The following ADAM9 variants were observed in gnomAD, a reference collection of about 807,000 sequenced individuals.
ADAM9 encodes ADAM metallopeptidase domain 9, also known as disintegrin and metalloproteinase domain-containing protein 9.
Under a neutral mutation model 108.1 loss-of-function variants are expected in ADAM9, and 54 were observed. The observed-to-expected ratio is 0.50, with a 90% CI of 0.40 to 0.63. The LOEUF (loss-of-function observed/expected upper bound fraction) is 0.63. Among genes scored for constraint, ADAM9 ranks in the 20% least tolerant of loss-of-function variants. The pLI, the probability that ADAM9 is intolerant of heterozygous loss-of-function variation, is 0.00. For synonymous variants in ADAM9, 316 were observed against 336.0 expected, an observed-to-expected ratio of 0.94 and a Z score of 0.65; for missense variants, 830 against 997.7, an observed-to-expected ratio of 0.83 and a Z score of 2.26.
chr8:39,101,794 TTTC>T, intron 20 of ADAM9, 66 bp from the exon 21 acceptor site: 3 of 1,214,866 alleles, frequency 2.5e-6, no homozygotes, highest in Non-Finnish European at 3.6e-6. Flanking sequence ...AATATGTAGA[TTTC>T]TTCTATTTAG....
intron 11 of ADAM9, among the ~76,000 whole-genome samples, chr8:39,032,352 G>A (rs143600640): frequency 0.021 from 3,259 of 152,366 alleles, 130 homozygotes; most frequent in African/African-American, 0.074. Context: ...TGGCTGCTTT[G>A]TTTACCTACT....
intron 14 of ADAM9, among the ~76,000 whole-genome samples, chr8:39,060,553 TTAGAAAGGATATCTTGACATGTCCC>T (rs1372760016): frequency 6.6e-6 from 1 of 152,204 alleles, no homozygotes; most frequent in East Asian, 1.9e-4. Context: ...CTTCTTCCCC[TTAGAAAGGATATCTTGACATGTCCC>T]ACACCACTGG....
chr8:39,010,698 A>G (rs1836327078), intron 2 of ADAM9, among the ~76,000 whole-genome samples: 1 of 152,202 alleles, frequency 6.6e-6, no homozygotes, highest in Admixed American at 6.5e-5. Context: ...GGTAGAGAAG[A>G]TGATCCCATG....
Position 39,090,634 on chromosome 8 carries a change from TTATG to T in ADAM9, c.2210+448_2210+451del, listed in dbSNP as rs1475293556. ...CTCTTTTAATGGGGAGGAGAAAGGC[TTATG>T]TTGGTCAGCCTTTAGGCTGCTGAAA... On this transcript the variant is annotated intron_variant, in intron 19 of 21. Transcript: ENST00000487273. 5.9e-4 allele frequency among the ~76,000 whole-genome samples: 90 copies of T among 152,306 alleles called. 2 individuals carry two copies. In the South Asian group the frequency reaches 0.018, roughly 30 times the overall value.
At chr8:39,070,941 G>A (rs554359042) in intron 14 of ADAM9, among the ~76,000 whole-genome samples, 1 of 152,248 alleles carries the variant, frequency 6.6e-6, no homozygotes, top group South Asian at 2.1e-4. Context: ...TCTAACCAGT[G>A]GTGCAGTTGG....
intron 5 of ADAM9, 72 bp downstream of exon 5, chr8:39,016,266 A>AT (rs1836523932): frequency 2.2e-6 from 3 of 1,371,958 alleles, no homozygotes; most frequent in Non-Finnish European, 3.1e-6. Flanking sequence ...TTCTGTCTCC[A>AT]AATTAAATCA....
chr8:39,048,060 A>C (rs1837831713), intron 12 of ADAM9, among the ~76,000 whole-genome samples: 1 of 151,778 alleles, frequency 6.6e-6, no homozygotes, highest in African/African-American at 2.4e-5. Context: ...AGCTAGGATT[A>C]CAGGCGCGCA....
At chr8:39,039,270 A>G (rs1045151030) in intron 11 of ADAM9, among the ~76,000 whole-genome samples, 1 of 152,240 alleles carries the variant, frequency 6.6e-6, no homozygotes, top group East Asian at 1.9e-4. Flanking sequence ...TTGAAAAAAT[A>G]CAAATATATG....
chr8:39,011,823 G>A, intron 3 of ADAM9, 107 bp downstream of exon 3: 1 of 1,064,316 alleles, frequency 9.4e-7, no homozygotes, highest in Non-Finnish European at 1.4e-6. Context: ...CTGGGATTAA[G>A]CAGATTTAGC....
At chr8:39,040,132 C>T (rs1564287536) in intron 11 of ADAM9, among the ~76,000 whole-genome samples, 1 of 152,142 alleles carries the variant, frequency 6.6e-6, no homozygotes. Context: ...TCACTACAAC[C>T]TCTGCCTCCC....
intron 14 of ADAM9, 131 bp from the exon 15 acceptor site, chr8:39,071,167 G>A: frequency 1.4e-6 from 1 of 713,966 alleles, no homozygotes; most frequent in Non-Finnish European, 2.3e-6. Flanking sequence ...AGGCAGGAAA[G>A]GTTTTCCACG....
chr8:39,080,846 G>C (rs6474527), intron 16 of ADAM9, among the ~76,000 whole-genome samples: 109,314 of 151,808 alleles, frequency 0.72, 39,978 homozygotes, highest in East Asian at 0.95. Flanking sequence ...CTATAGTCAA[G>C]TTTGCTCTAC....
Position 39,090,180 on chromosome 8 carries a change from A to G in ADAM9, c.2202A>G (p.Gln734=). Reference sequence around the variant, plus strand: ...GCTACTTCAGAAAGAAGAGATCACAAACATATGAGTACTTAGATTTTTTTC... The same window carrying G: ...GCTACTTCAGAAAGAAGAGATCACAGACATATGAGTACTTAGATTTTTTTC... ...WRSYFRKKRS[Q]TYESDGKNQA... Residue 734 remains glutamine (Q), a synonymous_variant, in exon 19 of 22, where the codon CAA becomes CAG. Coordinates refer to ENST00000487273, the MANE Select transcript of ADAM9 (RefSeq NM_003816.3). The G allele has an allele frequency of 1.2e-6, 2 of 1,613,444 alleles. No individual in the cohort carries two copies. The highest frequency in any genetic ancestry group is 1.7e-6 in the Non-Finnish European group (2 of 1,179,552).
chr8:39,099,568 T>C (rs1839618298), intron 20 of ADAM9, among the ~76,000 whole-genome samples: 5 of 152,190 alleles, frequency 3.3e-5, no homozygotes. Flanking sequence ...TCCAGTCTTA[T>C]ACCATAAAAA....
intron 20 of ADAM9, among the ~76,000 whole-genome samples, chr8:39,097,875 CA>C (rs919926733): frequency 1.1e-4 from 16 of 152,142 alleles, no homozygotes; most frequent in African/African-American, 2.9e-4. Flanking sequence ...TTGTGAAAAT[CA>C]GAGGGATTCG....
chr8:39,091,203 T>C, intron 19 of ADAM9, 56 bp from the exon 20 acceptor site: 1 of 1,511,608 alleles, frequency 6.6e-7, no homozygotes, highest in Non-Finnish European at 9.2e-7. Context: ...GTGTGTAATA[T>C]TTCATGTAGA....
At position 39,059,930 on chromosome 8, in the gene ADAM9, T is replaced by C. The variant is rs570785023; in HGVS notation, c.1591+4158T>C. ...GTAGCAGGAGTGGGGAGCAGGGGCA[T>C]GTGGGGCACTTCTTTATGTAACTTG... On this transcript the variant is annotated intron_variant, in intron 14 of 21. Transcript: ENST00000487273. Among the ~76,000 whole-genome samples, 54 of 152,332 alleles carry C rather than the reference T, an allele frequency of 3.5e-4. 2 individuals carry two copies. The South Asian group carries it at 9.7e-3, about 27-fold the overall frequency.
At position 39,079,725 on chromosome 8, in the gene ADAM9, C is replaced by G. The variant is rs577952638; in HGVS notation, c.1881+2314C>G. Among the ~76,000 whole-genome samples the G allele has an allele frequency of 7.2e-5, 11 of 152,088 alleles. No homozygotes were observed. In the South Asian group the frequency reaches 2.3e-3, roughly 32 times the overall value. ...TCAGCCTCCCCAGTAGCTGGGATTA[C>G]AGGCATCTGCCACCATGTCTGGCTA... is the stretch of plus-strand genomic sequence containing the variant. On this transcript the variant is annotated intron_variant, in intron 16 of 21. Coordinates refer to ENST00000487273, the MANE Select transcript of ADAM9 (RefSeq NM_003816.3).
At chr8:39,036,817 C>G (rs1837291179) in intron 11 of ADAM9, among the ~76,000 whole-genome samples, 1 of 150,660 alleles carries the variant, frequency 6.6e-6, no homozygotes, top group Non-Finnish European at 1.5e-5. Flanking sequence ...CCACAAGTGT[C>G]TATGATTTTG....
Sources: allele counts gnomAD v4.1 joint callset (sites outside exome capture counted in the v4.1 genomes callset), GRCh38; gene constraint gnomAD v4.1.1; transcripts MANE v1.5; gene names NCBI Gene and HGNC (gene_info 2026-07-23, HGNC 2026-07-21).